Variants in LRRC7 observed in about 807,000 individuals in gnomAD.
LRRC7 encodes the protein leucine rich repeat containing 7, also known as leucine-rich repeat-containing protein 7.
LRRC7 carries 23 observed loss-of-function variants against 175.7 expected under a neutral mutation model. The observed-to-expected ratio is 0.13, with a 90% CI of 0.09 to 0.19. The LOEUF (loss-of-function observed/expected upper bound fraction) is 0.19. LRRC7 is among the 10% of genes least tolerant of loss of function. The pLI, the probability that LRRC7 is intolerant of heterozygous loss-of-function variation, is 1.00. For synonymous variants in LRRC7, 685 were observed against 680.9 expected (o/e 1.01, Z -0.09); for missense variants, 1,354 against 1,904.7 (o/e 0.71, Z 5.38).
At chr1:69,895,253 A>G (rs560480524) in intron 7 of LRRC7, among the ~76,000 whole-genome samples, 2 of 152,238 alleles carry the variant, frequency 1.3e-5, no homozygotes, top group South Asian at 4.1e-4. Context: ...ATTATTAAGA[A>G]GGTGGATCTC....
At chr1:69,741,446 G>A (rs553475265) in intron 2 of LRRC7, among the ~76,000 whole-genome samples, 1 of 151,682 alleles carries the variant, frequency 6.6e-6, no homozygotes, top group South Asian at 2.1e-4. Flanking sequence ...GAAAAGAAGA[G>A]AAAATGAAAA....
chr1:70,103,415 G>A (rs1183736810), intron 25 of LRRC7, among the ~76,000 whole-genome samples: 1 of 152,166 alleles, frequency 6.6e-6, no homozygotes, highest in African/African-American at 2.4e-5. Context: ...GCTGCAGTCA[G>A]AGGGAGATGT....
chr1:69,771,503 A>G (rs941898679), intron 3 of LRRC7, among the ~76,000 whole-genome samples: 2 of 152,148 alleles, frequency 1.3e-5, no homozygotes, highest in Non-Finnish European at 2.9e-5. Context: ...GCCATCATTT[A>G]TTTCTAACAT....
intron 3 of LRRC7, among the ~76,000 whole-genome samples, chr1:69,784,045 C>A (rs1398663065): frequency 6.6e-6 from 1 of 151,950 alleles, no homozygotes; most frequent in African/African-American, 2.4e-5. Flanking sequence ...TTATATGAAA[C>A]ATAAAGCAGT....
chr1:69,596,791 G>C (rs945255888), intron 1 of LRRC7, among the ~76,000 whole-genome samples: 14 of 152,174 alleles, frequency 9.2e-5, no homozygotes, highest in Admixed American at 5.9e-4. Flanking sequence ...ATTCCCACAA[G>C]TTCACCCACA....
chr1:69,784,625 CT>C (rs1674192608), intron 3 of LRRC7, among the ~76,000 whole-genome samples: 1 of 151,998 alleles, frequency 6.6e-6, no homozygotes, highest in African/African-American at 2.4e-5. Context: ...ATTCTGTTAC[CT>C]TTTGTTGTTA....
At chr1:69,742,931 A>C (rs1041554248) in intron 2 of LRRC7, among the ~76,000 whole-genome samples, 2 of 152,008 alleles carry the variant, frequency 1.3e-5, no homozygotes, top group African/African-American at 2.4e-5. Flanking sequence ...TCTGTTGTTA[A>C]AGGAAGCAGA....
intron 2 of LRRC7, among the ~76,000 whole-genome samples, chr1:69,722,252 A>T (rs1666444820): frequency 6.6e-6 from 1 of 152,050 alleles, no homozygotes; most frequent in South Asian, 2.1e-4. Flanking sequence ...ATATGCTCAC[A>T]GAAAAACTTT....
chr1:69,750,307 T>C (rs1669725710), intron 2 of LRRC7, among the ~76,000 whole-genome samples: 1 of 151,594 alleles, frequency 6.6e-6, no homozygotes, highest in African/African-American at 2.4e-5. Flanking sequence ...TTTTGAAATA[T>C]TTAAAAGATT....
intron 2 of LRRC7, among the ~76,000 whole-genome samples, chr1:69,719,966 T>A (rs1382026644): frequency 4.6e-5 from 7 of 151,662 alleles, no homozygotes. Flanking sequence ...TTGCATGGCT[T>A]TTCTTTGTGC....
At chr1:69,727,941 T>C (rs1267739040) in intron 2 of LRRC7, among the ~76,000 whole-genome samples, 1 of 152,166 alleles carries the variant, frequency 6.6e-6, no homozygotes, top group East Asian at 1.9e-4. Context: ...CCAGAAGGGA[T>C]TTGAATCAAC....
At chr1:69,749,736 A>G (rs536098772) in intron 2 of LRRC7, among the ~76,000 whole-genome samples, 127 of 152,268 alleles carry the variant, frequency 8.3e-4, no homozygotes, top group African/African-American at 3.0e-3. Context: ...GGAGTAGTGT[A>G]AGCTAGAGCA....
intron 7 of LRRC7, among the ~76,000 whole-genome samples, chr1:69,884,988 C>CT (rs1455252842): frequency 1.3e-5 from 2 of 149,728 alleles, no homozygotes; most frequent in Admixed American, 6.7e-5. Flanking sequence ...GGTGGGTAAG[C>CT]TTTTTGATGT....
At chr1:69,708,147 G>T (rs1384829006) in intron 2 of LRRC7, among the ~76,000 whole-genome samples, 1 of 152,138 alleles carries the variant, frequency 6.6e-6, no homozygotes, top group East Asian at 1.9e-4. Flanking sequence ...CACCCTTAAA[G>T]CCACAATATA....
At chr1:69,858,280 G>C (rs1683943944) in intron 7 of LRRC7, among the ~76,000 whole-genome samples, 1 of 152,086 alleles carries the variant, frequency 6.6e-6, no homozygotes, top group Admixed American at 6.6e-5. Context: ...TTAAACTAAA[G>C]AGCTTCTGCA....
intron 25 of LRRC7, among the ~76,000 whole-genome samples, chr1:70,098,988 T>C (rs1328443941): frequency 6.6e-6 from 1 of 152,180 alleles, no homozygotes; most frequent in African/African-American, 2.4e-5. Flanking sequence ...AGCATCATTC[T>C]GATACCAAAG....
At chr1:69,833,081 G>T (rs1287801820) in intron 5 of LRRC7, among the ~76,000 whole-genome samples, 1 of 149,884 alleles carries the variant, frequency 6.7e-6, no homozygotes, top group East Asian at 2.0e-4. Context: ...CTCTAGCCTG[G>T]GAGACAAGAG....
At chr1:69,806,359 C>T (rs1677116280) in intron 4 of LRRC7, among the ~76,000 whole-genome samples, 1 of 151,924 alleles carries the variant, frequency 6.6e-6, no homozygotes, top group African/African-American at 2.4e-5. Context: ...CTCATTTAGA[C>T]TAAAAGTCAA....
At chr1:70,014,479 G>A (rs1183417931) in intron 13 of LRRC7, among the ~76,000 whole-genome samples, 1 of 151,816 alleles carries the variant, frequency 6.6e-6, no homozygotes, top group Admixed American at 6.6e-5. Flanking sequence ...AATTCATCAG[G>A]ACAGAAATAT....
Sources: gnomAD v4.1 joint callset for allele counts (sites outside exome capture counted in the v4.1 genomes callset) on GRCh38, gnomAD v4.1.1 for gene constraint, MANE v1.5 for transcripts, NCBI Gene and HGNC (gene_info 2026-07-23, HGNC 2026-07-21) for gene names.